The following NELFA variants were observed in gnomAD, a reference collection of about 807,000 sequenced individuals.
NELFA encodes negative elongation factor A.
NELFA carries 35 observed loss-of-function variants against 51.8 expected under a neutral mutation model. The observed-to-expected ratio is 0.68, with a 90% confidence interval of 0.52 to 0.90. The LOEUF is 0.90. Ranked by LOEUF, NELFA falls within the 40% of genes least tolerant of loss-of-function variation. The pLI is 0.00. For synonymous variants in NELFA, 417 were observed against 338.4 expected, an observed-to-expected ratio of 1.23 and a Z score of -2.55; for missense variants, 658 against 746.4, an observed-to-expected ratio of 0.88 and a Z score of 1.38.
intron 1 of NELFA, among the ~76,000 whole-genome samples, chr4:2,004,809 CTTTT>C (rs760686190): frequency 8.4e-6 from 1 of 119,558 alleles, no homozygotes; most frequent in Non-Finnish European, 1.8e-5. Flanking sequence ...TTTAATAAAG[CTTTT>C]TTTTTTTTTT....
chr4:1,984,712 G>A (rs531976683), intron 8 of NELFA, 96 bp downstream of exon 8: 2 of 803,368 alleles, frequency 2.5e-6, no homozygotes, highest in Non-Finnish European at 4.0e-6. Flanking sequence ...CAACAGAGAT[G>A]CAGGAGTGAG....
chr4:1,994,557 T>C lies in NELFA; in HGVS notation c.211-2842A>G, dbSNP rs139852971. 5.2e-3 allele frequency among the ~76,000 whole-genome samples: 756 copies of C among 146,734 alleles called. 7 individuals carry two copies. The highest frequency in any genetic ancestry group is 0.018 in the African/African-American group (707 of 39,520). On this transcript the variant is annotated intron_variant, in intron 1 of 10. Coordinates refer to ENST00000382882, the MANE Select transcript of NELFA (RefSeq NM_005663.5). ...TCCAGCCTGGGCAACAGAGCAAGAG[T>C]CTGTCAAAAAAAAAAAAGCCGGGCA...
In NELFA at chr4:1,999,481, CAG is replaced by C. The variant is rs781025825; in HGVS notation, c.211-7768_211-7767del. 9.2e-5 allele frequency among the ~76,000 whole-genome samples: 14 copies of C among 152,082 alleles called. No individual in the cohort carries two copies. The East Asian group carries it at 9.6e-4, about 10-fold the overall frequency. On this transcript the variant is annotated intron_variant, in intron 1 of 10. Transcript: ENST00000382882. Reference sequence around the variant, plus strand: ...AGCAAATGGAAAGCAAACAAAAAGACAGGGGTTGCAATCCTAGTTTCTGACAA... The same window carrying C: ...AGCAAATGGAAAGCAAACAAAAAGACGGGTTGCAATCCTAGTTTCTGACAA...
chr4:1,989,073 G>T lies in NELFA; in HGVS notation c.544+635C>A, dbSNP rs1728195511. 6.6e-6 allele frequency among the ~76,000 whole-genome samples: 1 copy of T among 151,020 alleles called. No individual in the cohort carries two copies. On this transcript the variant is annotated intron_variant, in intron 3 of 10. Transcript: ENST00000382882. This position sits in a 1 kb window ranked among gnomAD's most constrained non-coding sequence, Gnocchi z 4.8. ...TGATTCTCTTGCCTCAGCCTCCCAA[G>T]CAACTGGGATTACAGGCATGCACCA...
chr4:2,007,188 C>G (rs770771233), intron 1 of NELFA: 2 of 398,846 alleles, frequency 5.0e-6, no homozygotes, highest in South Asian at 3.5e-5. Context: ...GCCTGGTTGA[C>G]AGCGCCAGAC....
intron 7 of NELFA, among the ~76,000 whole-genome samples, chr4:1,985,218 T>C (rs977876546): frequency 1.3e-5 from 2 of 152,168 alleles, no homozygotes; most frequent in Non-Finnish European, 1.5e-5. Context: ...AGCGTTGATA[T>C]AAAGGAAGAT....
At chr4:1,995,232 G>C (rs933956129) in intron 1 of NELFA, among the ~76,000 whole-genome samples, 2 of 152,164 alleles carry the variant, frequency 1.3e-5, no homozygotes, top group Admixed American at 6.5e-5. Context: ...AGCTCTTCCT[G>C]GGTCTTGAGT....
At chr4:1,987,683 A>G (rs1365485543) in intron 4 of NELFA, 15 of 539,618 alleles carry the variant, frequency 2.8e-5, no homozygotes, top group Admixed American at 1.0e-4. Flanking sequence ...CGTGCCCAGC[A>G]CTGTCCTCAG....
chr4:1,998,522 C>G (rs573937601), intron 1 of NELFA, among the ~76,000 whole-genome samples: 4 of 151,956 alleles, frequency 2.6e-5, no homozygotes, highest in Admixed American at 2.0e-4. Flanking sequence ...TATTAACAGC[C>G]GAATCCACAA....
At position 2,008,861 on chromosome 4, in the gene NELFA, G is replaced by A. The variant is rs368141200; in HGVS notation, c.99C>T (p.Leu33=). 75 of 1,604,150 alleles carry A rather than the reference G, an allele frequency of 4.7e-5. No homozygotes were observed. The highest frequency in any genetic ancestry group is 1.7e-4 in the Middle Eastern group (1 of 6,048). Residue 33 remains leucine (L), a synonymous_variant, in exon 1 of 11, where the codon CTC becomes CTT. Transcript: ENST00000382882. Reference sequence around the variant, plus strand: ...GGATGTTGTCGATGACCGCGGCCGTGAGCAGGGACGCGATGCTGGGCGGCG... The same window carrying A: ...GGATGTTGTCGATGACCGCGGCCGTAAGCAGGGACGCGATGCTGGGCGGCG... ...LWAPPSIASL[L]TAAVIDNIRL...
chr4:1,987,790 G>T, intron 4 of NELFA, 128 bp downstream of exon 4: 1 of 780,148 alleles, frequency 1.3e-6, no homozygotes, highest in Non-Finnish European at 2.0e-6. Flanking sequence ...GCTTTCCCAC[G>T]GGCTCCCAAC....
At chr4:1,988,167 C>T (rs1166910265) in intron 3 of NELFA, among the ~76,000 whole-genome samples, 160 bp from the exon 4 acceptor site, 1 of 152,244 alleles carries the variant, frequency 6.6e-6, no homozygotes, top group African/African-American at 2.4e-5. Context: ...GACACCAGCT[C>T]GCACTTTACA....
intron 1 of NELFA, among the ~76,000 whole-genome samples, chr4:2,008,243 C>T (rs1320622433): frequency 6.9e-6 from 1 of 145,856 alleles, no homozygotes; most frequent in Non-Finnish European, 1.5e-5. Context: ...TCGGTCGCTT[C>T]GGCACGGTGG....
Position 1,986,283 on chromosome 4 carries a change from G to A in NELFA, c.754C>T (p.Arg252Ter). 1 of 1,583,008 alleles carries A rather than the reference G, an allele frequency of 6.3e-7. No individual in the cohort carries two copies. Among genetic ancestry groups the A allele is most frequent in the South Asian group, 1.1e-5 (1 of 87,010 alleles). The change falls in exon 5 of 11, where the codon CGA becomes TGA. Residue 252 changes from arginine (R) to a stop codon, truncating the protein, a stop_gained. Transcript: ENST00000382882. LOFTEE classifies it high-confidence loss of function. ...PPSRTLLRKE[R>*]GVKLLDISEL... ...GGGGACGGGCCTACCTTCACACCTCGTTCCTTCCGCAGCAGCGTCCTGGAA... is the reference window on the plus strand; with the variant it reads ...GGGGACGGGCCTACCTTCACACCTCATTCCTTCCGCAGCAGCGTCCTGGAA...
intron 4 of NELFA, 44 bp downstream of exon 4, chr4:1,987,874 C>G: frequency 6.6e-7 from 1 of 1,522,854 alleles, no homozygotes; most frequent in Non-Finnish European, 8.9e-7. Flanking sequence ...GCCCTTAGCT[C>G]TGCCCCAAAA....
In NELFA at chr4:1,983,893, G is replaced by C; in HGVS notation, c.1257C>G (p.Thr419=). The part of the protein sequence containing the change: ...TPPVAMVAPQ[T]QAPAQQQPKK... ...TAGGCTGCTGCTGAGCAGGGGCCTG[G>C]GTCTGCGGGGCCACCATGGCAACCG... is the stretch of plus-strand genomic sequence containing the variant. The change falls in exon 9 of 11, where the codon ACC becomes ACG. Residue 419 remains threonine, a synonymous_variant. Transcript: ENST00000382882. 6.3e-7 allele frequency: 1 copy of C among 1,598,468 alleles called. No individual in the cohort carries two copies. Among genetic ancestry groups the C allele is most frequent in the East Asian group, 2.2e-5 (1 of 44,732 alleles).
At chr4:1,985,929 G>C in intron 6 of NELFA, 65 bp from the exon 7 acceptor site, 11 of 1,446,912 alleles carry the variant, frequency 7.6e-6, no homozygotes, top group South Asian at 2.5e-5. Context: ...TCAGGGCAGC[G>C]GCAGGGAATC....
chr4:2,003,806 G>T (rs1728637179), intron 1 of NELFA: 1 of 149,510 alleles, frequency 6.7e-6, no homozygotes, highest in Non-Finnish European at 1.5e-5. Flanking sequence ...GTATACCTAT[G>T]TAACAAATCT....
chr4:1,984,727 G>A (rs1488654745), intron 8 of NELFA, 81 bp downstream of exon 8: 7 of 984,628 alleles, frequency 7.1e-6, no homozygotes, highest in Admixed American at 2.2e-5. Context: ...AGTGAGAACC[G>A]CAGCCCTGGC....
Sources: gnomAD v4.1 joint callset for allele counts (sites outside exome capture counted in the v4.1 genomes callset) on GRCh38, gnomAD v4.1.1 for gene constraint, Gnocchi (gnomAD v3.1) non-coding constraint, MANE v1.5 for transcripts, NCBI Gene and HGNC (gene_info 2026-07-23, HGNC 2026-07-21) for gene names.